The following TM9SF3 variants were observed in gnomAD, a reference collection of about 807,000 sequenced individuals.
The protein encoded by TM9SF3 is transmembrane 9 superfamily member 3.
A neutral mutation model predicts 78.6 loss-of-function variants in TM9SF3; 14 were observed. The observed-to-expected ratio is 0.18, with a 90% CI of 0.12 to 0.28. The LOEUF (loss-of-function observed/expected upper bound fraction) is 0.28, where lower values mean the gene tolerates loss of function less well. Among genes scored for constraint, TM9SF3 ranks in the 10% least tolerant of loss-of-function variants. The probability of loss-of-function intolerance (pLI) is 1.00; values close to 1 mark genes in which losing one functional copy is unlikely to be tolerated. For synonymous variants in TM9SF3, 231 were observed against 241.7 expected (o/e 0.96, Z 0.41); for missense variants, 496 against 721.9 (o/e 0.69, Z 3.59).
At chr10:96,527,090 C>A in intron 14 of TM9SF3, 123 bp downstream of exon 14, 1 of 699,718 alleles carries the variant, frequency 1.4e-6, no homozygotes, top group Non-Finnish European at 2.4e-6. Context: ...AAATCAGACT[C>A]GGGTTTATTT....
At chr10:96,540,723 A>C (rs191803941) in intron 9 of TM9SF3, among the ~76,000 whole-genome samples, 8 of 144,304 alleles carry the variant, frequency 5.5e-5, no homozygotes, top group Admixed American at 4.2e-4. Context: ...TGAACAGCTC[A>C]CCTTAGATGA....
chr10:96,545,537 C>T (rs1189560292), intron 8 of TM9SF3, among the ~76,000 whole-genome samples: 1 of 152,178 alleles, frequency 6.6e-6, no homozygotes, highest in Non-Finnish European at 1.5e-5. Context: ...AATTCCAACA[C>T]CTTTCTAGCA....
chr10:96,557,679 CTTT>C (rs755815503), intron 5 of TM9SF3, among the ~76,000 whole-genome samples: 6 of 152,184 alleles, frequency 3.9e-5, no homozygotes, highest in Admixed American at 1.3e-4. Context: ...CATATCCTCA[CTTT>C]AATAGGCTTT....
At chr10:96,577,969 T>A (rs895655776) in intron 1 of TM9SF3, among the ~76,000 whole-genome samples, 1 of 152,084 alleles carries the variant, frequency 6.6e-6, no homozygotes, top group Non-Finnish European at 1.5e-5. Context: ...AAAACCAAAC[T>A]CATCTACCCA....
At chr10:96,534,742 G>A (rs762030619) in intron 9 of TM9SF3, among the ~76,000 whole-genome samples, 1 of 152,128 alleles carries the variant, frequency 6.6e-6, no homozygotes, top group African/African-American at 2.4e-5. Flanking sequence ...TTTGAAAATA[G>A]TTTCTTTTTA....
Position 96,522,284 on chromosome 10 carries a change from A to G in TM9SF3, c.1749T>C (p.Tyr583=). Residue 583 remains tyrosine (Y), a synonymous_variant, in exon 15 of 15, where the codon TAT becomes TAC. Coordinates refer to ENST00000371142, the MANE Select transcript of TM9SF3 (RefSeq NM_020123.4). ...GTCTCTAGTCAATTTTCACATTAGT[A>G]TAGATTTTTCGGACAAAGGCACTTG... ...MGTSAFVRKI[Y]TNVKID The G allele has an allele frequency of 6.3e-7, 1 of 1,588,120 alleles. No homozygotes were observed.
Position 96,580,764 on chromosome 10 carries a change from A to G in TM9SF3, c.103-3935T>C, listed in dbSNP as rs144414740. ...AACATCAGTAGCTAACAATAAATAC[A>G]TACTATGAGCTAGGTATAGTTCTAA... On this transcript the variant is annotated intron_variant, in intron 1 of 14. Coordinates refer to ENST00000371142, the MANE Select transcript of TM9SF3 (RefSeq NM_020123.4). Among the ~76,000 whole-genome samples, 120 of 152,352 alleles carry G rather than the reference A, an allele frequency of 7.9e-4. 1 individual carries two copies. In the East Asian group the frequency reaches 0.022, roughly 28 times the overall value.
intron 5 of TM9SF3, among the ~76,000 whole-genome samples, chr10:96,555,323 C>A (rs1848222608): frequency 6.6e-6 from 1 of 152,132 alleles, no homozygotes; most frequent in Non-Finnish European, 1.5e-5. Context: ...CTGTATTTTT[C>A]TTATAATTTC....
intron 4 of TM9SF3, among the ~76,000 whole-genome samples, chr10:96,561,237 A>G (rs1848304618): frequency 7.5e-6 from 1 of 133,904 alleles, no homozygotes; most frequent in African/African-American, 2.6e-5. Flanking sequence ...TGCTCAATAA[A>G]TATTTGAATG....
At chr10:96,571,776 C>A (rs920752465) in intron 2 of TM9SF3, among the ~76,000 whole-genome samples, 1 of 152,012 alleles carries the variant, frequency 6.6e-6, no homozygotes, top group African/African-American at 2.4e-5. Flanking sequence ...AAGGGAAGAT[C>A]GATAAAATAA....
At chr10:96,561,925 T>C (rs1848312803) in intron 4 of TM9SF3, 53 bp downstream of exon 4, 1 of 1,476,562 alleles carries the variant, frequency 6.8e-7, no homozygotes, top group Admixed American at 2.1e-5. Context: ...CCACAAATTG[T>C]TGACATCGGG....
intron 9 of TM9SF3, chr10:96,543,842 CT>C: frequency 4.1e-6 from 1 of 244,512 alleles, no homozygotes. Flanking sequence ...CAGCCTTTCA[CT>C]TTACTGGCTT....
intron 9 of TM9SF3, among the ~76,000 whole-genome samples, chr10:96,537,886 T>C (rs965170462): frequency 1.3e-5 from 2 of 151,878 alleles, no homozygotes; most frequent in African/African-American, 4.8e-5. Flanking sequence ...CTGAGAAAAA[T>C]TAAAGGTATC....
intron 1 of TM9SF3, among the ~76,000 whole-genome samples, chr10:96,581,404 AAT>A (rs951158091): frequency 6.6e-6 from 1 of 152,216 alleles, no homozygotes; most frequent in African/African-American, 2.4e-5. Context: ...AAGGGGGAAA[AAT>A]ATATGTGTTT....
At position 96,565,561 on chromosome 10, in the gene TM9SF3, A is replaced by G. The variant is rs143109757; in HGVS notation, c.299-135T>C. The G allele has an allele frequency of 7.8e-3, 7,861 of 1,001,906 alleles. 51 individuals carry two copies. The highest frequency in any genetic ancestry group is 0.015 in the South Asian group (839 of 55,100). 62.1% of individuals were successfully genotyped at this position (1,001,906 alleles called of 1,614,324 possible). A position where few individuals can be genotyped will look rare whatever the true frequency, so the allele number is the denominator to read the frequency against. On this transcript the variant is annotated intron_variant, in intron 2 of 14. Transcript: ENST00000371142. The stretch of plus-strand genomic sequence containing the variant: ...CACAATAGCTGAATCTGAGTGATAA[A>G]TAAGTGTGGGTTCAGTGTACTATTC...
chr10:96,548,512 T>G (rs1462812027), intron 7 of TM9SF3, among the ~76,000 whole-genome samples: 1 of 152,108 alleles, frequency 6.6e-6, no homozygotes, highest in Non-Finnish European at 1.5e-5. Context: ...GAAAATGATT[T>G]TTAGGCCGCG....
chr10:96,531,760 G>A (rs962301559), intron 10 of TM9SF3, among the ~76,000 whole-genome samples: 31 of 152,074 alleles, frequency 2.0e-4, no homozygotes, highest in Non-Finnish European at 4.4e-4. Flanking sequence ...TGCATCTCTG[G>A]TGAGGAAGCT....
intron 1 of TM9SF3, among the ~76,000 whole-genome samples, chr10:96,583,447 C>T (rs958891939): frequency 2.0e-5 from 3 of 152,330 alleles, no homozygotes; most frequent in African/African-American, 7.2e-5. Context: ...CACACTCATT[C>T]GAGCATTTAA....
rs9633704 is a variant in TM9SF3 at position 96,568,611 on chromosome 10, A to T, written c.299-3185T>A. Among the ~76,000 whole-genome samples, 1,311 of 152,130 alleles carry T rather than the reference A, an allele frequency of 8.6e-3. 9 individuals are homozygous for T. Among genetic ancestry groups the T allele is most frequent in the Non-Finnish European group, 0.013 (875 of 67,982 alleles). ...GTGGTAATTATTCATGAGTTCTCTA[A>T]GAACACAGTATGCCATACTTTGTTT... On this transcript the variant is annotated intron_variant, in intron 2 of 14. Coordinates refer to ENST00000371142, the MANE Select transcript of TM9SF3 (RefSeq NM_020123.4).
Sources: allele counts gnomAD v4.1 joint callset (sites outside exome capture counted in the v4.1 genomes callset), GRCh38; gene constraint gnomAD v4.1.1; transcripts MANE v1.5; gene names NCBI Gene and HGNC (gene_info 2026-07-23, HGNC 2026-07-21).